Variants in TDRD5 observed in about 807,000 individuals in gnomAD.
TDRD5 encodes tudor domain-containing protein 5.
Under a neutral mutation model 120.6 loss-of-function variants are expected in TDRD5, and 41 were observed. The observed-to-expected ratio is 0.34, with a 90% CI of 0.26 to 0.44. The LOEUF (loss-of-function observed/expected upper bound fraction) is 0.44. Among genes scored for constraint, TDRD5 ranks in the 20% least tolerant of loss-of-function variants. The pLI is 1.00. For missense variants in TDRD5, 1,006 were observed against 1,221.2 expected (o/e 0.82, Z 2.63); for synonymous variants, 430 against 433.7 (o/e 0.99, Z 0.11).
At chr1:179,681,025 A>G (rs991081711) in intron 17 of TDRD5, among the ~76,000 whole-genome samples, 2 of 152,206 alleles carry the variant, frequency 1.3e-5, no homozygotes, top group Non-Finnish European at 2.9e-5. Context: ...GATTGTCAAG[A>G]TTGATAAAAA....
intron 17 of TDRD5, among the ~76,000 whole-genome samples, chr1:179,689,960 C>A (rs1038564363): frequency 1.3e-5 from 2 of 152,188 alleles, no homozygotes; most frequent in South Asian, 2.1e-4. Flanking sequence ...GTCACGGCTT[C>A]CCTTGGCTAG....
chr1:179,683,371 G>C (rs1680532168), intron 17 of TDRD5, among the ~76,000 whole-genome samples: 1 of 152,014 alleles, frequency 6.6e-6, no homozygotes, highest in Admixed American at 6.6e-5. Context: ...TTAAATCTTT[G>C]GTCACGTGTT....
At chr1:179,627,259 G>A (rs1217829890) in intron 6 of TDRD5, among the ~76,000 whole-genome samples, 1 of 152,124 alleles carries the variant, frequency 6.6e-6, no homozygotes, top group East Asian at 1.9e-4. Context: ...ACTGGAGAAT[G>A]AACATCAGAA....
chr1:179,641,301 G>A lies in TDRD5; in HGVS notation c.1800+856G>A, dbSNP rs943173740. Among the ~76,000 whole-genome samples the A allele has an allele frequency of 3.9e-5, 6 of 152,070 alleles. No homozygotes were observed. The South Asian group carries it at 8.3e-4, about 21-fold the overall frequency. ...TCCCAGCACTTTGGGAAGCCAAGGCGGGCGGATCACCTGAGGTCAGGAATT... is the reference window on the plus strand; with the variant it reads ...TCCCAGCACTTTGGGAAGCCAAGGCAGGCGGATCACCTGAGGTCAGGAATT... On this transcript the variant is annotated intron_variant, in intron 11 of 17. Coordinates refer to ENST00000444136, the MANE Select transcript of TDRD5 (RefSeq NM_001199085.3).
intron 6 of TDRD5, among the ~76,000 whole-genome samples, chr1:179,624,510 A>G (rs935777546): frequency 2.0e-5 from 3 of 152,212 alleles, no homozygotes; most frequent in Admixed American, 6.5e-5. Flanking sequence ...GATTGTTCAT[A>G]TAGAATATAC....
chr1:179,687,963 A>C (rs1455417205), intron 17 of TDRD5, among the ~76,000 whole-genome samples: 1 of 151,102 alleles, frequency 6.6e-6, no homozygotes, highest in Non-Finnish European at 1.5e-5. Context: ...GGGTCTCATG[A>C]ATACAGCACA....
intron 17 of TDRD5, among the ~76,000 whole-genome samples, chr1:179,672,488 A>G (rs1679909647): frequency 6.6e-6 from 1 of 151,792 alleles, no homozygotes; most frequent in Non-Finnish European, 1.5e-5. Flanking sequence ...AGATTTTTGG[A>G]TATTAGTCCT....
rs7546497 is a variant in TDRD5, at chr1:179,654,815, G to A, written c.2322+453G>A. ...AAAAAAATGTGTTCATAGTAACCAA[G>A]ACTAAAGTTGTAGCAATATAACCTT... On this transcript the variant is annotated intron_variant, in intron 14 of 17. Coordinates refer to ENST00000444136, the MANE Select transcript of TDRD5 (RefSeq NM_001199085.3). Among the ~76,000 whole-genome samples the A allele has an allele frequency of 8.1e-3, 1,228 of 152,116 alleles. 16 individuals carry two copies. The highest frequency in any genetic ancestry group is 0.028 in the African/African-American group (1,175 of 41,494).
Position 179,634,545 on chromosome 1 carries a change from A to T in TDRD5, c.1215A>T (p.Val405=), listed in dbSNP as rs551128152. The change falls in exon 8 of 18, where the codon GTA becomes GTT. Residue 405 remains valine (V), a synonymous_variant. Transcript: ENST00000444136. ...CTACTGCTGCTGTCAAAGAGACTGT[A>T]TGGAATTGCCCTTCAAAAAAACAAA... is the stretch of plus-strand genomic sequence containing the variant. The part of the protein sequence containing the change: ...SLSTAAVKET[V]WNCPSKKQKE... The T allele has an allele frequency of 6.2e-7, 1 of 1,614,058 alleles. No individual in the cohort carries two copies. The highest frequency in any genetic ancestry group is 1.1e-5 in the South Asian group (1 of 91,050).
In TDRD5 at chr1:179,635,737, C is replaced by T. The variant is rs750726121; in HGVS notation, c.1370C>T (p.Pro457Leu). The change falls in exon 9 of 18, where the codon CCG (proline) becomes CTG (leucine). Residue 457 changes from proline to leucine, a missense_variant. By Grantham distance (98) the Pro-to-Leu change is moderately conservative (BLOSUM62 -3). Transcript: ENST00000444136. ...CATGACATCCCGCCAGACGCTGTGCCGAACAAGAAATTATGCAGACTCCCA... is the reference window on the plus strand; with the variant it reads ...CATGACATCCCGCCAGACGCTGTGCTGAACAAGAAATTATGCAGACTCCCA... ...ANHDIPPDAV[P>L]NKKLCRLPPL... is the part of the protein sequence containing the mutation. 5.0e-6 allele frequency: 8 copies of T among 1,613,866 alleles called. No individual in the cohort carries two copies. The highest frequency in any genetic ancestry group is 6.8e-6 in the Non-Finnish European group (8 of 1,180,012).
intron 14 of TDRD5, among the ~76,000 whole-genome samples, chr1:179,659,564 TGTG>T (rs1679178808): frequency 4.4e-5 from 6 of 135,512 alleles, no homozygotes; most frequent in African/African-American, 1.6e-4. Flanking sequence ...TGTGTGTGTG[TGTG>T]TGTGTGTGTG....
chr1:179,605,128 C>T (rs555965241), intron 4 of TDRD5, among the ~76,000 whole-genome samples: 3 of 152,228 alleles, frequency 2.0e-5, no homozygotes, highest in African/African-American at 7.2e-5. Context: ...TATATAATGT[C>T]CCTCTTTGTC....
chr1:179,595,798 C>A lies in TDRD5; in HGVS notation c.811C>A (p.His271Asn). Reference sequence around the variant, plus strand: ...TGTAGTGGAGACTTCAAGACTGAATCACACTGAAAAATTAAACCAGGTGAG... The same window carrying A: ...TGTAGTGGAGACTTCAAGACTGAATAACACTGAAAAATTAAACCAGGTGAG... ...LNVVETSRLN[H>N]TEKLNQLENT... The change falls in exon 4 of 18, where the codon CAC becomes AAC. Residue 271 changes from histidine to asparagine, a missense_variant. By Grantham distance (68) the His-to-Asn change is moderately conservative. Around this residue, in one of 3 missense-constraint regions of TDRD5, gnomAD observed 445 missense variants for 515.5 expected, o/e 0.86. Coordinates refer to ENST00000444136, the MANE Select transcript of TDRD5 (RefSeq NM_001199085.3). 6.2e-7 allele frequency: 1 copy of A among 1,605,028 alleles called. No homozygotes were observed. The highest frequency in any genetic ancestry group is 1.1e-5 in the South Asian group (1 of 88,580).
intron 17 of TDRD5, among the ~76,000 whole-genome samples, chr1:179,681,617 G>A (rs1680425203): frequency 6.6e-6 from 1 of 152,006 alleles, no homozygotes; most frequent in Admixed American, 6.6e-5. Flanking sequence ...AGCTTCGTAG[G>A]CCATATGATC....
intron 14 of TDRD5, among the ~76,000 whole-genome samples, chr1:179,659,590 T>TGC (rs1553332466): frequency 2.9e-3 from 195 of 67,132 alleles, no homozygotes; most frequent in South Asian, 0.011. Flanking sequence ...TGTGTGTGTG[T>TGC]GCGCGCGCTT....
chr1:179,687,513 C>T (rs1680791629), intron 17 of TDRD5, among the ~76,000 whole-genome samples: 1 of 152,098 alleles, frequency 6.6e-6, no homozygotes, highest in Non-Finnish European at 1.5e-5. Context: ...GAAGAACATA[C>T]ATTCTGTTGA....
At chr1:179,646,429 A>G (rs1034534472) in intron 11 of TDRD5, among the ~76,000 whole-genome samples, 2 of 151,954 alleles carry the variant, frequency 1.3e-5, no homozygotes, top group African/African-American at 4.8e-5. Flanking sequence ...ACTCTCAATA[A>G]ATTAGGTATT....
At chr1:179,679,119 G>A (rs1680297682) in intron 17 of TDRD5, among the ~76,000 whole-genome samples, 1 of 152,108 alleles carries the variant, frequency 6.6e-6, no homozygotes, top group African/African-American at 2.4e-5. Context: ...TATTGAGATG[G>A]TTATGCTGTT....
At chr1:179,609,479 A>C (rs368131694) in intron 4 of TDRD5, among the ~76,000 whole-genome samples, 3 of 152,130 alleles carry the variant, frequency 2.0e-5, no homozygotes, top group African/African-American at 7.2e-5. Context: ...GGGATTTGGG[A>C]GCATTTCAAA....
Sources: allele counts gnomAD v4.1 joint callset (sites outside exome capture counted in the v4.1 genomes callset), GRCh38; gene constraint gnomAD v4.1.1; regional missense constraint gnomAD v4.1.1; transcripts MANE v1.5; gene names NCBI Gene and HGNC (gene_info 2026-07-23, HGNC 2026-07-21).